CSMD1: variants seen among roughly 807,000 people sequenced by gnomAD.
CSMD1 encodes the protein CUB and sushi domain-containing protein 1.
Under a neutral mutation model 417.5 loss-of-function variants are expected in CSMD1, and 213 were observed. The ratio of observed to expected loss-of-function variants is 0.51; its 90% CI spans 0.46 to 0.57. CSMD1 has a LOEUF of 0.57. Among genes scored for constraint, CSMD1 ranks in the 20% least tolerant of loss-of-function variants. CSMD1 has a pLI of 0.00. For synonymous variants in CSMD1, 2,862 were observed against 1,736.8 expected (o/e 1.65, Z -16.11); for missense variants, 6,923 against 4,529.7 (o/e 1.53, Z -15.17).
chr8:4,686,436 G>C (rs1806391554), intron 1 of CSMD1, among the ~76,000 whole-genome samples: 1 of 152,200 alleles, frequency 6.6e-6, no homozygotes, highest in African/African-American at 2.4e-5. Context: ...CCCGATGTAG[G>C]CCATAAGTAG....
chr8:3,792,161 G>A (rs142531240), intron 5 of CSMD1, among the ~76,000 whole-genome samples: 3 of 152,066 alleles, frequency 2.0e-5, no homozygotes, highest in African/African-American at 7.2e-5. Flanking sequence ...AGGTGTCATG[G>A]TGCACACGTG....
At chr8:3,939,112 T>C (rs182108835) in intron 5 of CSMD1, among the ~76,000 whole-genome samples, 15 of 152,126 alleles carry the variant, frequency 9.9e-5, no homozygotes, top group Admixed American at 2.0e-4. Context: ...TGAGAGTTTA[T>C]TGAATTACAG....
intron 1 of CSMD1, among the ~76,000 whole-genome samples, chr8:4,798,280 C>A (rs188973030): frequency 6.6e-6 from 1 of 152,102 alleles, no homozygotes; most frequent in Non-Finnish European, 1.5e-5. Flanking sequence ...TCTGTCCTTG[C>A]GCTAGTTTGC....
intron 3 of CSMD1, among the ~76,000 whole-genome samples, chr8:4,059,845 G>C (rs1306710121): frequency 1.3e-5 from 2 of 149,100 alleles, no homozygotes; most frequent in African/African-American, 4.9e-5. Context: ...TGGATTCACA[G>C]CCGAATATTA....
chr8:3,916,257 C>T (rs552886108), intron 5 of CSMD1, among the ~76,000 whole-genome samples: 2 of 152,064 alleles, frequency 1.3e-5, no homozygotes, highest in Non-Finnish European at 2.9e-5. Flanking sequence ...ATATATACAA[C>T]AGGAGCCCAG....
chr8:3,071,461 A>G (rs1229323697), intron 49 of CSMD1, among the ~76,000 whole-genome samples: 2 of 152,140 alleles, frequency 1.3e-5, no homozygotes, highest in African/African-American at 4.8e-5. Flanking sequence ...TGGCACATGT[A>G]TGCCTATGTA....
intron 36 of CSMD1, among the ~76,000 whole-genome samples, chr8:3,185,342 A>G (rs1256273856): frequency 6.6e-6 from 1 of 152,224 alleles, no homozygotes; most frequent in Non-Finnish European, 1.5e-5. Flanking sequence ...TCATGCATAC[A>G]GAGGCAATGT....
At chr8:4,284,656 C>A (rs1226681879) in intron 3 of CSMD1, among the ~76,000 whole-genome samples, 1 of 152,148 alleles carries the variant, frequency 6.6e-6, no homozygotes, top group South Asian at 2.1e-4. Flanking sequence ...CTCAGGACTC[C>A]TGGAGGATCC....
rs143527830 is a variant in CSMD1 at position 2,937,262 on chromosome 8, A to T, written c.*1323T>A. The T allele has an allele frequency of 4.9e-4, 74 of 152,300 alleles. No homozygotes were observed. Among genetic ancestry groups the T allele is most frequent in the African/African-American group, 1.8e-3 (74 of 41,562 alleles). 9.4% of individuals were successfully genotyped at this position (152,300 alleles called of 1,614,324 possible). A position where few individuals can be genotyped will look rare whatever the true frequency, so the allele number is the denominator to read the frequency against. ...TCTGGAATCATAAAGCATGAAACAA[A>T]TAACAAATGAATGTATAAAATATAT... On this transcript the variant is annotated 3_prime_UTR_variant, in exon 70 of 70. Coordinates refer to ENST00000635120, the MANE Select transcript of CSMD1 (RefSeq NM_033225.6).
At chr8:4,924,266 G>C (rs1347278252) in intron 1 of CSMD1, among the ~76,000 whole-genome samples, 2 of 152,246 alleles carry the variant, frequency 1.3e-5, no homozygotes, top group Admixed American at 6.5e-5. Flanking sequence ...GTTGTAAACA[G>C]TTTTGTATCA....
intron 6 of CSMD1, among the ~76,000 whole-genome samples, chr8:3,713,246 C>G (rs1351644733): frequency 6.6e-6 from 1 of 152,110 alleles, no homozygotes; most frequent in Non-Finnish European, 1.5e-5. Context: ...ACATCAGCTG[C>G]CTTCACTATA....
At chr8:4,815,488 G>A (rs1799150855) in intron 1 of CSMD1, among the ~76,000 whole-genome samples, 1 of 151,914 alleles carries the variant, frequency 6.6e-6, no homozygotes, top group Non-Finnish European at 1.5e-5. Flanking sequence ...ATGAGGTCAG[G>A]AGATCGAGAC....
chr8:4,794,983 G>C (rs180963023), intron 1 of CSMD1, among the ~76,000 whole-genome samples: 88 of 146,676 alleles, frequency 6.0e-4, no homozygotes, highest in Admixed American at 2.2e-3. Flanking sequence ...AGAAGAGAAA[G>C]AATGGTGCCT....
At chr8:4,352,618 C>G (rs1560428) in intron 3 of CSMD1, among the ~76,000 whole-genome samples, 89,765 of 152,070 alleles carry the variant, frequency 0.59, 28,181 homozygotes, top group Admixed American at 0.72. Context: ...GTCATTTGCC[C>G]CGAGTGACAC....
intron 5 of CSMD1, among the ~76,000 whole-genome samples, chr8:3,843,893 C>T (rs1046468340): frequency 1.2e-4 from 18 of 152,116 alleles, no homozygotes; most frequent in African/African-American, 1.2e-4. Context: ...TTTAGAGTAA[C>T]GTAATTTACA....
intron 1 of CSMD1, among the ~76,000 whole-genome samples, chr8:4,736,924 A>G (rs1810283112): frequency 6.6e-6 from 1 of 152,144 alleles, no homozygotes; most frequent in African/African-American, 2.4e-5. Flanking sequence ...TCTTTGTAAT[A>G]ATTCCTGGGG....
intron 12 of CSMD1, among the ~76,000 whole-genome samples, chr8:3,446,137 G>A (rs1464152119): frequency 1.3e-5 from 2 of 152,124 alleles, no homozygotes; most frequent in African/African-American, 2.4e-5. Context: ...AGAATTGACT[G>A]CAAGAAAGGA....
At chr8:3,197,608 GGTGC>G (rs773451277) in intron 33 of CSMD1, among the ~76,000 whole-genome samples, 31,048 of 150,910 alleles carry the variant, frequency 0.21, 3,014 homozygotes, top group South Asian at 0.3. Flanking sequence ...TGGGACTACA[GGTGC>G]CCGCCACCAC....
chr8:3,717,791 T>C (rs75571704), intron 6 of CSMD1, among the ~76,000 whole-genome samples: 2,097 of 152,324 alleles, frequency 0.014, 44 homozygotes, highest in African/African-American at 0.047. Context: ...TTTTAATAGA[T>C]TATTCATAAT....
Sources: gnomAD v4.1 joint callset for allele counts (sites outside exome capture counted in the v4.1 genomes callset) on GRCh38, gnomAD v4.1.1 for gene constraint, MANE v1.5 for transcripts, NCBI Gene and HGNC (gene_info 2026-07-23, HGNC 2026-07-21) for gene names.